Variants in WRN observed in about 807,000 individuals in gnomAD.
The protein encoded by WRN is WRN RecQ like helicase, also known as bifunctional 3'-5' exonuclease/ATP-dependent helicase WRN.
A neutral mutation model predicts 180.7 loss-of-function variants in WRN; 149 were observed. That is an observed-to-expected ratio of 0.82 (90% CI 0.72 to 0.94). The LOEUF (loss-of-function observed/expected upper bound fraction) is 0.94. WRN is among the 40% of genes least tolerant of loss of function. The probability of loss-of-function intolerance (pLI) is 0.00; values close to 1 mark genes in which losing one functional copy is unlikely to be tolerated. For synonymous variants in WRN, 548 were observed against 568.9 expected (o/e 0.96, Z 0.52); for missense variants, 1,661 against 1,700.1 (o/e 0.98, Z 0.40).
intron 33 of WRN, among the ~76,000 whole-genome samples, chr8:31,164,451 G>C (rs908072995): frequency 2.0e-5 from 3 of 152,040 alleles, no homozygotes; most frequent in African/African-American, 7.2e-5. Flanking sequence ...ATTTTATTAT[G>C]ACACAATATT....
At position 31,067,102 on chromosome 8, in the gene WRN, G is replaced by T. The variant is rs1383187921; in HGVS notation, c.574G>T (p.Asp192Tyr). 6.2e-7 allele frequency: 1 copy of T among 1,613,946 alleles called. No individual in the cohort carries two copies. Among genetic ancestry groups the T allele is most frequent in the East Asian group, 2.2e-5 (1 of 44,832 alleles). Residue 192 changes from aspartate (D) to tyrosine (Y), a missense_variant, in exon 6 of 35, where the codon GAC becomes TAC. By Grantham distance (160) the Asp-to-Tyr change is radical (BLOSUM62 -3). Around this residue, in one of 3 missense-constraint regions of WRN, gnomAD observed 500 missense variants for 504.1 expected, o/e 0.99. Coordinates refer to ENST00000298139, the MANE Select transcript of WRN (RefSeq NM_000553.6). ...CCTCTTAGGTAAACAGCTCCTGAAA[G>T]ACAAGTCTATCCGCTGTAGCAATTG... ...KHLLGKQLLK[D>Y]KSIRCSNWSK... is the part of the protein sequence containing the mutation.
intron 32 of WRN, among the ~76,000 whole-genome samples, chr8:31,156,788 G>C (rs1803402352): frequency 6.6e-6 from 1 of 152,204 alleles, no homozygotes; most frequent in Non-Finnish European, 1.5e-5. Flanking sequence ...CTGTTCATGT[G>C]AAGTTCAATA....
At chr8:31,093,161 A>G (rs1171173398) in intron 16 of WRN, among the ~76,000 whole-genome samples, 2 of 151,362 alleles carry the variant, frequency 1.3e-5, no homozygotes, top group Non-Finnish European at 2.9e-5. Context: ...CTGGTCTTGA[A>G]CTCCTGGCGT....
chr8:31,131,156 C>CTTTATTTTTTTTTTT (rs1554530509), intron 23 of WRN, among the ~76,000 whole-genome samples: 1 of 19,352 alleles, frequency 5.2e-5, no homozygotes, highest in Admixed American at 6.6e-4. Context: ...CAAATTGCAA[C>CTTTATTTTTTTTTTT]TTTCTTTTTT....
intron 21 of WRN, among the ~76,000 whole-genome samples, chr8:31,121,802 A>G (rs1801735147): frequency 6.6e-6 from 1 of 152,040 alleles, no homozygotes; most frequent in South Asian, 2.1e-4. Flanking sequence ...CCTTCTTAAC[A>G]TAGAAGATGA....
At position 31,059,036 on chromosome 8, in the gene WRN, A is replaced by G. The variant is rs1812382518; in HGVS notation, c.97-117A>G. The G allele has an allele frequency of 3.7e-6, 3 of 818,560 alleles. No homozygotes were observed. The African/African-American group carries it at 5.1e-5, about 14-fold the overall frequency. The allele number at this position is 818,560 out of a possible 1,614,324, so 50.7% of individuals were successfully genotyped here. On this transcript the variant is annotated intron_variant, in intron 2 of 34. Transcript: ENST00000298139. ...TTATGACTTCATTAGTTTATAAAAC[A>G]TTAATTGATAAAACTTAGAACTATA...
At chr8:31,072,516 C>T (rs1812949453) in intron 7 of WRN, among the ~76,000 whole-genome samples, 5 of 152,078 alleles carry the variant, frequency 3.3e-5, no homozygotes, top group Admixed American at 3.3e-4. Flanking sequence ...AATGTGGGAA[C>T]AGAGACAGGG....
chr8:31,171,920 C>G (rs11574400), intron 34 of WRN, among the ~76,000 whole-genome samples: 8,557 of 152,202 alleles, frequency 0.056, 262 homozygotes, highest in South Asian at 0.087. Context: ...GGCCAACCTT[C>G]TCATAAAATC....
chr8:31,037,801 G>C (rs1440451814), intron 1 of WRN, among the ~76,000 whole-genome samples: 1 of 152,074 alleles, frequency 6.6e-6, no homozygotes, highest in Non-Finnish European at 1.5e-5. Context: ...AGTATATTTT[G>C]AAGTCAGGTA....
chr8:31,049,978 T>C (rs1334093978), intron 1 of WRN, among the ~76,000 whole-genome samples: 1 of 151,992 alleles, frequency 6.6e-6, no homozygotes, highest in Non-Finnish European at 1.5e-5. Flanking sequence ...ATAATGGGAA[T>C]ATAATCCCAT....
chr8:31,036,325 A>G (rs1248890240), intron 1 of WRN, among the ~76,000 whole-genome samples: 1 of 152,234 alleles, frequency 6.6e-6, no homozygotes, highest in Non-Finnish European at 1.5e-5. Context: ...TGCAGGAAAC[A>G]TGGAAGTGCA....
chr8:31,114,622 A>T (rs1232290293), intron 19 of WRN, among the ~76,000 whole-genome samples: 1 of 152,142 alleles, frequency 6.6e-6, no homozygotes, highest in Non-Finnish European at 1.5e-5. Context: ...AGTTGTGATC[A>T]CTGTTGGTAT....
At chr8:31,080,501 A>C (rs1447744327) in intron 8 of WRN, among the ~76,000 whole-genome samples, 2 of 151,600 alleles carry the variant, frequency 1.3e-5, no homozygotes, top group African/African-American at 2.4e-5. Context: ...CCATGTATTC[A>C]ACTTAGAATT....
rs550123142 is a variant in WRN at position 31,040,694 on chromosome 8, G to A, written c.-77+6721G>A. Among the ~76,000 whole-genome samples, 4 of 152,254 alleles carry A rather than the reference G, an allele frequency of 2.6e-5. No individual in the cohort carries two copies. The South Asian group carries it at 8.3e-4, about 32-fold the overall frequency. On this transcript the variant is annotated intron_variant, in intron 1 of 34. Transcript: ENST00000298139. ...TTGACATGAGCCCTTTTCGTGGAGT[G>A]GAGTGGTTACAGTGGGTTTAAGAGA...
chr8:31,091,015 G>A, intron 15 of WRN, 73 bp downstream of exon 15: 1 of 1,146,994 alleles, frequency 8.7e-7, no homozygotes, highest in Non-Finnish European at 1.3e-6. Context: ...GATCCATCAT[G>A]CATGTTAAAA....
intron 16 of WRN, among the ~76,000 whole-genome samples, chr8:31,092,440 TGTG>T (rs1404229200): frequency 2.8e-5 from 1 of 35,744 alleles, no homozygotes. Context: ...ACACCCATTT[TGTG>T]TGTGTGTGTG....
rs199849137 is a variant in WRN, at chr8:31,157,378, C to G, written c.3830C>G (p.Ala1277Gly). Residue 1277 changes from alanine to glycine, a missense_variant, in exon 33 of 35, where the codon GCT becomes GGT. Physicochemically the swap from Ala to Gly is moderately conservative, Grantham distance 60. Around this residue, in one of 3 missense-constraint regions of WRN, gnomAD observed 1,141 missense variants for 1,149.4 expected, o/e 0.99. Coordinates refer to ENST00000298139, the MANE Select transcript of WRN (RefSeq NM_000553.6). ...QEKKMPLKSI[A>G]ESRILPLMTI... ...CTGATCTTTCTCTAGAAGAGCATAG[C>G]TGAGAGCAGGATTCTGCCTCTCATG... 1.9e-6 allele frequency: 3 copies of G among 1,613,986 alleles called. No homozygotes were observed. In the East Asian group the frequency reaches 6.7e-5, roughly 36 times the overall value.
At chr8:31,070,633 C>T (rs1451483474) in intron 7 of WRN, among the ~76,000 whole-genome samples, 1 of 151,618 alleles carries the variant, frequency 6.6e-6, no homozygotes, top group Non-Finnish European at 1.5e-5. Context: ...AGTCTTATGT[C>T]ATGGGAAAAC....
At chr8:31,144,129 T>C (rs983001811) in intron 28 of WRN, among the ~76,000 whole-genome samples, 1 of 152,194 alleles carries the variant, frequency 6.6e-6, no homozygotes, top group Non-Finnish European at 1.5e-5. Context: ...TTCTTATAAA[T>C]TGAAGGTTTG....
Sources: gnomAD v4.1 joint callset for allele counts (sites outside exome capture counted in the v4.1 genomes callset) on GRCh38, gnomAD v4.1.1 for gene constraint, gnomAD v4.1.1 regional missense constraint, MANE v1.5 for transcripts, NCBI Gene and HGNC (gene_info 2026-07-23, HGNC 2026-07-21) for gene names.